The following PHYHIPL variants were observed in gnomAD, a reference collection of about 807,000 sequenced individuals.
PHYHIPL encodes phytanoyl-CoA hydroxylase-interacting protein-like.
Under a neutral mutation model 33.4 loss-of-function variants are expected in PHYHIPL, and 9 were observed. That is an observed-to-expected ratio of 0.27 (90% CI 0.16 to 0.47). The LOEUF (loss-of-function observed/expected upper bound fraction) is 0.47. Ranked by LOEUF, PHYHIPL falls within the 20% of genes least tolerant of loss-of-function variation. PHYHIPL has a pLI of 0.99. For synonymous variants in PHYHIPL, 153 were observed against 154.1 expected, an observed-to-expected ratio of 0.99 and a Z score of 0.05; for missense variants, 365 against 460.7, an observed-to-expected ratio of 0.79 and a Z score of 1.90.
chr10:59,224,460 C>CAAAACA (rs1839864112), intron 1 of PHYHIPL, among the ~76,000 whole-genome samples: 1 of 134,764 alleles, frequency 7.4e-6, no homozygotes, highest in Non-Finnish European at 1.5e-5. Context: ...CTCAAGGAAA[C>CAAAACA]AAAACAAAAC....
intron 1 of PHYHIPL, among the ~76,000 whole-genome samples, chr10:59,231,424 T>A (rs748146049): frequency 7.2e-5 from 11 of 151,908 alleles, no homozygotes; most frequent in Non-Finnish European, 8.8e-5. Context: ...CAAATAGAAG[T>A]AAGAAAGCAG....
intron 1 of PHYHIPL, among the ~76,000 whole-genome samples, chr10:59,182,455 G>C (rs1838436963): frequency 6.6e-6 from 1 of 152,054 alleles, no homozygotes; most frequent in African/African-American, 2.4e-5. Context: ...TGACTCTCCT[G>C]CCTCAGCCTC....
intron 1 of PHYHIPL, among the ~76,000 whole-genome samples, chr10:59,190,631 G>A (rs1313077387): frequency 6.6e-6 from 1 of 151,716 alleles, no homozygotes; most frequent in African/African-American, 2.4e-5. Context: ...TTATAAGCTT[G>A]GTAATATTGT....
At chr10:59,201,740 G>T (rs977116332) in intron 1 of PHYHIPL, among the ~76,000 whole-genome samples, 4 of 152,048 alleles carry the variant, frequency 2.6e-5, no homozygotes, top group Admixed American at 2.6e-4. Context: ...AATGAAATTT[G>T]GAATTAAAAT....
chr10:59,236,066 T>C (rs1840222490), intron 2 of PHYHIPL, among the ~76,000 whole-genome samples: 1 of 151,836 alleles, frequency 6.6e-6, no homozygotes, highest in African/African-American at 2.4e-5. Flanking sequence ...GAGGAGCATA[T>C]AGTATACAGA....
chr10:59,224,826 CTG>C (rs1380409036), intron 1 of PHYHIPL, among the ~76,000 whole-genome samples: 1 of 151,970 alleles, frequency 6.6e-6, no homozygotes, highest in East Asian at 1.9e-4. Context: ...TTTTGGTAGT[CTG>C]TTGAATGAAA....
At chr10:59,217,028 T>C (rs781004193) in intron 1 of PHYHIPL, among the ~76,000 whole-genome samples, 2 of 152,066 alleles carry the variant, frequency 1.3e-5, no homozygotes, top group Non-Finnish European at 2.9e-5. Flanking sequence ...ATTCTTGGAG[T>C]GAGATACTAA....
intron 4 of PHYHIPL, among the ~76,000 whole-genome samples, chr10:59,243,021 G>A (rs1333654300): frequency 6.6e-6 from 1 of 151,826 alleles, no homozygotes; most frequent in Non-Finnish European, 1.5e-5. Context: ...TCCCAAATTT[G>A]CCAAACAACA....
At position 59,245,155 on chromosome 10, in the gene PHYHIPL, G is replaced by A; in HGVS notation, c.695G>A (p.Cys232Tyr). 1 of 1,614,124 alleles carries A rather than the reference G, an allele frequency of 6.2e-7. No homozygotes were observed. The highest frequency in any genetic ancestry group is 8.5e-7 in the Non-Finnish European group (1 of 1,180,010). ...AAATTAGAAGGCATCTTCTTCAGCT[G>A]CAGCACTGAATTCAATACTGGAAAG... Reference protein sequence around the residue: ...SGKLEGIFFSCSTEFNTGKPP... With the variant: ...SGKLEGIFFSYSTEFNTGKPP... The change falls in exon 5 of 5, where the codon TGC becomes TAC. Residue 232 changes from cysteine (C) to tyrosine (Y), a missense_variant. Transcript: ENST00000373880.
At chr10:59,243,992 C>T (rs1840516618) in intron 4 of PHYHIPL, among the ~76,000 whole-genome samples, 1 of 152,128 alleles carries the variant, frequency 6.6e-6, no homozygotes, top group Non-Finnish European at 1.5e-5. Flanking sequence ...ATGAAGAATG[C>T]AGCCCTGCCA....
chr10:59,184,744 C>T (rs1007533872), intron 1 of PHYHIPL, among the ~76,000 whole-genome samples: 2 of 151,704 alleles, frequency 1.3e-5, no homozygotes, highest in Non-Finnish European at 2.9e-5. Context: ...GTGTGCTGCA[C>T]CCATTAACTC....
chr10:59,213,761 C>T (rs185280306), intron 1 of PHYHIPL, among the ~76,000 whole-genome samples: 34 of 151,940 alleles, frequency 2.2e-4, no homozygotes, highest in African/African-American at 6.8e-4. Context: ...TGATTTTAAA[C>T]AAAAAACAAA....
Position 59,180,287 on chromosome 10 carries a change from CAT to C in PHYHIPL, c.106+3334_106+3335del, listed in dbSNP as rs1421317330. Among the ~76,000 whole-genome samples the C allele has an allele frequency of 2.2e-5, 3 of 135,122 alleles. No homozygotes were observed. The East Asian group carries it at 6.2e-4, about 28-fold the overall frequency. 88.6% of individuals were successfully genotyped at this position (135,122 alleles called of 152,430 possible). A position where few individuals can be genotyped will look rare whatever the true frequency, so the allele number is the denominator to read the frequency against. On this transcript the variant is annotated intron_variant, in intron 1 of 4. Coordinates refer to ENST00000373880, the MANE Select transcript of PHYHIPL (RefSeq NM_032439.4). ...ACACACACACACACACATACACACA[CAT>C]ATATAATATATATATATAGAAAAAG...
chr10:59,245,609 C>A lies in PHYHIPL; in HGVS notation c.*18C>A. 1 of 1,561,690 alleles carries A rather than the reference C, an allele frequency of 6.4e-7. No individual in the cohort carries two copies. ...GACGTTAATGCCCACTTTTCTTATT[C>A]TTACTCAGCCCCTTTTCCTCCCTTA... is the stretch of plus-strand genomic sequence containing the variant. On this transcript the variant is annotated 3_prime_UTR_variant, in exon 5 of 5. Coordinates refer to ENST00000373880, the MANE Select transcript of PHYHIPL (RefSeq NM_032439.4).
At chr10:59,182,850 A>G (rs1838448219) in intron 1 of PHYHIPL, among the ~76,000 whole-genome samples, 1 of 152,194 alleles carries the variant, frequency 6.6e-6, no homozygotes, top group Non-Finnish European at 1.5e-5. Context: ...GGCAACATGG[A>G]AAGTGATCAG....
chr10:59,233,662 A>G (rs892177623), intron 1 of PHYHIPL, among the ~76,000 whole-genome samples: 1 of 151,834 alleles, frequency 6.6e-6, no homozygotes, highest in African/African-American at 2.4e-5. Flanking sequence ...ACTAGTTGTC[A>G]TATAAATTCT....
chr10:59,206,248 A>T (rs926542436), intron 1 of PHYHIPL, among the ~76,000 whole-genome samples: 1 of 152,130 alleles, frequency 6.6e-6, no homozygotes, highest in African/African-American at 2.4e-5. Flanking sequence ...AGCCTCCTTG[A>T]TACAAACAAT....
chr10:59,209,379 G>T (rs1367115278), intron 1 of PHYHIPL, among the ~76,000 whole-genome samples: 1 of 152,176 alleles, frequency 6.6e-6, no homozygotes, highest in East Asian at 1.9e-4. Context: ...AGCAAATGCT[G>T]AGAGATTTTG....
At chr10:59,192,425 T>C (rs1838806213) in intron 1 of PHYHIPL, among the ~76,000 whole-genome samples, 1 of 152,088 alleles carries the variant, frequency 6.6e-6, no homozygotes, top group African/African-American at 2.4e-5. Context: ...GAATTTGCAT[T>C]TCTAACAAAT....
Sources: allele counts gnomAD v4.1 joint callset (sites outside exome capture counted in the v4.1 genomes callset), GRCh38; gene constraint gnomAD v4.1.1; transcripts MANE v1.5; gene names NCBI Gene and HGNC (gene_info 2026-07-23, HGNC 2026-07-21).